Variants in SPAG16 observed in about 807,000 individuals in gnomAD.
SPAG16 encodes sperm-associated antigen 16 protein.
SPAG16 carries 86 observed loss-of-function variants against 80.4 expected under a neutral mutation model. The ratio of observed to expected loss-of-function variants is 1.07; its 90% CI spans 0.90 to 1.28. SPAG16 has a LOEUF of 1.28. Among genes scored for constraint, SPAG16 ranks in the 50% most tolerant of loss-of-function variants. The probability of loss-of-function intolerance (pLI) is 0.00; values close to 1 mark genes in which losing one functional copy is unlikely to be tolerated. For missense variants in SPAG16, 870 were observed against 765.3 expected (o/e 1.14, Z -1.61); for synonymous variants, 294 against 265.9 (o/e 1.11, Z -1.03).
chr2:213,996,483 G>A (rs567466116), intron 12 of SPAG16, among the ~76,000 whole-genome samples: 17 of 151,718 alleles, frequency 1.1e-4, no homozygotes, highest in South Asian at 4.2e-4. Context: ...TAGAATAAAA[G>A]CAGATATATC....
intron 5 of SPAG16, among the ~76,000 whole-genome samples, chr2:213,333,993 C>T (rs1477845290): frequency 6.6e-6 from 1 of 152,086 alleles, no homozygotes; most frequent in Non-Finnish European, 1.5e-5. Flanking sequence ...TAAAAAGCTT[C>T]TGCATAGAAA....
At chr2:214,232,066 A>G (rs1310975790) in intron 15 of SPAG16, among the ~76,000 whole-genome samples, 2 of 152,032 alleles carry the variant, frequency 1.3e-5, no homozygotes, top group Admixed American at 6.6e-5. Flanking sequence ...CAAACATTTA[A>G]TATCACTTAA....
At chr2:213,508,438 G>A (rs1461778807) in intron 10 of SPAG16, among the ~76,000 whole-genome samples, 2 of 152,322 alleles carry the variant, frequency 1.3e-5, no homozygotes, top group African/African-American at 4.8e-5. Context: ...CGGGCGCGGT[G>A]GCGGGCGCCT....
At chr2:214,093,708 C>T (rs1352349366) in intron 13 of SPAG16, among the ~76,000 whole-genome samples, 2 of 151,974 alleles carry the variant, frequency 1.3e-5, no homozygotes, top group African/African-American at 4.8e-5. Flanking sequence ...TAACTTAATG[C>T]TCTAGTGCAG....
rs1339507864 is a variant in SPAG16, at chr2:213,375,097, C to CTTTA, written c.920_921insTTTA (p.Lys308LeufsTer26). 3 of 1,606,866 alleles carry CTTTA rather than the reference C, an allele frequency of 1.9e-6. No homozygotes were observed. In the African/African-American group the frequency reaches 4.0e-5, roughly 22 times the overall value. On this transcript the variant is annotated frameshift_variant, in exon 9 of 16. Transcript: ENST00000331683. LOFTEE classifies it high-confidence loss of function. ...GCCAGGGAACAAAACAAATGTAAAA[C>CTTTA]AAAGATGAAAGGCAATACAAAGGTA...
intron 12 of SPAG16, among the ~76,000 whole-genome samples, chr2:213,980,725 T>TATGGAG (rs374274176): frequency 9.6e-6 from 1 of 104,028 alleles, no homozygotes; most frequent in Non-Finnish European, 1.7e-5. Flanking sequence ...TATATATATA[T>TATGGAG]AGAGAGAGAG....
At chr2:214,043,792 G>A (rs2049164260) in intron 13 of SPAG16, among the ~76,000 whole-genome samples, 1 of 152,010 alleles carries the variant, frequency 6.6e-6, no homozygotes, top group South Asian at 2.1e-4. Flanking sequence ...AAATCCCTTT[G>A]AAGATTAGAA....
intron 15 of SPAG16, among the ~76,000 whole-genome samples, chr2:214,161,555 G>A (rs899079402): frequency 3.9e-5 from 6 of 152,130 alleles, no homozygotes; most frequent in Non-Finnish European, 8.8e-5. Flanking sequence ...AATGATCAGT[G>A]ATGTTGAGCT....
intron 5 of SPAG16, among the ~76,000 whole-genome samples, chr2:213,324,036 C>A (rs900312687): frequency 3.3e-5 from 5 of 152,078 alleles, no homozygotes; most frequent in African/African-American, 1.2e-4. Flanking sequence ...AAAATCAGTG[C>A]TACAGATTTG....
At chr2:213,889,281 C>G (rs1181599945) in intron 11 of SPAG16, among the ~76,000 whole-genome samples, 1 of 151,664 alleles carries the variant, frequency 6.6e-6, no homozygotes. Context: ...AATATATCAT[C>G]TAAAAGATAC....
chr2:214,306,648 T>C (rs1694934750), intron 15 of SPAG16, among the ~76,000 whole-genome samples: 1 of 152,178 alleles, frequency 6.6e-6, no homozygotes, highest in African/African-American at 2.4e-5. Flanking sequence ...GTTTTTGTCT[T>C]TAGTTCTGTT....
At chr2:213,892,038 C>CTGGA (rs1294633041) in intron 11 of SPAG16, among the ~76,000 whole-genome samples, 1 of 152,072 alleles carries the variant, frequency 6.6e-6, no homozygotes, top group African/African-American at 2.4e-5. Flanking sequence ...ATCCCCAGAC[C>CTGGA]TGGAAAATGT....
chr2:214,239,538 A>G (rs1689318365), intron 15 of SPAG16: 1 of 152,180 alleles, frequency 6.6e-6, no homozygotes, highest in Admixed American at 6.5e-5. Context: ...ATTTATTTTG[A>G]GGAAACAAAT....
chr2:213,916,201 T>C (rs558089275), intron 11 of SPAG16, among the ~76,000 whole-genome samples: 72 of 152,324 alleles, frequency 4.7e-4, no homozygotes, highest in African/African-American at 1.7e-3. Flanking sequence ...GCCTGTGTCC[T>C]GGATGGTATT....
intron 10 of SPAG16, among the ~76,000 whole-genome samples, chr2:213,716,458 AG>A (rs1200004916): frequency 1.3e-5 from 2 of 152,244 alleles, no homozygotes; most frequent in East Asian, 3.8e-4. Context: ...AGATAATTAT[AG>A]GGGAGAAAGA....
At position 214,237,165 on chromosome 2, in the gene SPAG16, T is replaced by A. The variant is rs1180204974; in HGVS notation, c.1720+87899T>A. 2.0e-5 allele frequency among the ~76,000 whole-genome samples: 3 copies of A among 152,140 alleles called. No individual in the cohort carries two copies. The East Asian group carries it at 5.8e-4, about 29-fold the overall frequency. Reference sequence around the variant, plus strand: ...AATTTTATCTCTTGTTCAATCACATTGTTATTCTCTTTATTCTCTGGATTT... The same window carrying A: ...AATTTTATCTCTTGTTCAATCACATAGTTATTCTCTTTATTCTCTGGATTT... On this transcript the variant is annotated intron_variant, in intron 15 of 15. Coordinates refer to ENST00000331683, the MANE Select transcript of SPAG16 (RefSeq NM_024532.5).
chr2:214,113,329 G>T (rs756573878), intron 14 of SPAG16, among the ~76,000 whole-genome samples: 3 of 152,110 alleles, frequency 2.0e-5, no homozygotes, highest in African/African-American at 4.8e-5. Flanking sequence ...TGTCTTTGTG[G>T]TGTTCTCTGT....
intron 10 of SPAG16, among the ~76,000 whole-genome samples, chr2:213,744,436 G>A (rs1575012234): frequency 6.6e-6 from 1 of 152,030 alleles, no homozygotes; most frequent in South Asian, 2.1e-4. Flanking sequence ...TCCAAGCTTG[G>A]CAGTTATCTA....
At chr2:213,791,369 A>G (rs999834141) in intron 10 of SPAG16, among the ~76,000 whole-genome samples, 1 of 152,108 alleles carries the variant, frequency 6.6e-6, no homozygotes, top group Non-Finnish European at 1.5e-5. Flanking sequence ...GTGGAAAGCA[A>G]ATAATGTCAC....
Sources: gnomAD v4.1 joint callset for allele counts (sites outside exome capture counted in the v4.1 genomes callset) on GRCh38, gnomAD v4.1.1 for gene constraint, MANE v1.5 for transcripts, NCBI Gene and HGNC (gene_info 2026-07-23, HGNC 2026-07-21) for gene names.